The following TPCN2 variants were observed in gnomAD, a reference collection of about 807,000 sequenced individuals.
The protein encoded by TPCN2 is two pore channel protein 2.
A neutral mutation model predicts 111.4 loss-of-function variants in TPCN2; 92 were observed. The observed-to-expected ratio is 0.83, with a 90% CI of 0.70 to 0.98. The LOEUF (loss-of-function observed/expected upper bound fraction) is 0.98. Among genes scored for constraint, TPCN2 ranks in the 50% least tolerant of loss-of-function variants. The probability of loss-of-function intolerance (pLI) is 0.00; values close to 1 mark genes in which losing one functional copy is unlikely to be tolerated. For synonymous variants in TPCN2, 405 were observed against 414.5 expected (o/e 0.98, Z 0.28); for missense variants, 995 against 980.1 (o/e 1.02, Z -0.20).
chr11:69,057,788 G>T, intron 5 of TPCN2, 94 bp downstream of exon 5: 2 of 1,162,780 alleles, frequency 1.7e-6, no homozygotes, highest in Non-Finnish European at 2.6e-6. Flanking sequence ...CCCTGAGCCC[G>T]CCAGCCATCC....
At position 69,077,469 on chromosome 11, in the gene TPCN2, G is replaced by A. The variant is rs115810349; in HGVS notation, c.1231-1013G>A. Among the ~76,000 whole-genome samples the A allele has an allele frequency of 2.4e-3, 365 of 152,316 alleles. 2 individuals carry two copies. Among genetic ancestry groups the A allele is most frequent in the African/African-American group, 8.2e-3 (341 of 41,568 alleles). Reference sequence around the variant, plus strand: ...TGAGACGCTGAAAGGGACCCTGCCCGTTGTGGCAGAGTGCGTATCGAGGAG... The same window carrying A: ...TGAGACGCTGAAAGGGACCCTGCCCATTGTGGCAGAGTGCGTATCGAGGAG... On this transcript the variant is annotated intron_variant, in intron 13 of 24. Transcript: ENST00000294309.
chr11:69,076,778 G>A (rs372286893), intron 13 of TPCN2, among the ~76,000 whole-genome samples: 139 of 6,780 alleles, frequency 0.021, no homozygotes, highest in Non-Finnish European at 0.042. Flanking sequence ...CCCTCCTGCC[G>A]TGTCCCTCCA....
chr11:69,079,613 A>G, intron 16 of TPCN2: 2 of 530,282 alleles, frequency 3.8e-6, no homozygotes, highest in Non-Finnish European at 6.7e-6. Flanking sequence ...TGCCACCCCA[A>G]TCTGTGCAGT....
intron 5 of TPCN2, among the ~76,000 whole-genome samples, chr11:69,058,592 C>T (rs1457436413): frequency 1.3e-5 from 2 of 152,366 alleles, no homozygotes; most frequent in Non-Finnish European, 1.5e-5. Flanking sequence ...CTGTCCCCGC[C>T]TGCCCCAGGG....
At position 69,081,405 on chromosome 11, in the gene TPCN2, C is replaced by T. The variant is rs776312101; in HGVS notation, c.1595C>T (p.Pro532Leu). The change falls in exon 18 of 25, where the codon CCG becomes CTG. Residue 532 changes from proline to leucine, a missense_variant. Physicochemically the swap from Pro to Leu is moderately conservative, Grantham distance 98. Transcript: ENST00000294309. ...CCTCCCGTGTCTCTCCCCAGGAGGCCGGAGATGGTGGGCCTGCTGTCGCTG... is the reference window on the plus strand; with the variant it reads ...CCTCCCGTGTCTCTCCCCAGGAGGCTGGAGATGGTGGGCCTGCTGTCGCTG... The part of the protein sequence containing the change: ...VYRLPHPGWR[P>L]EMVGLLSLWD... 21 of 1,551,486 alleles carry T rather than the reference C, an allele frequency of 1.4e-5. No individual in the cohort carries two copies. The East Asian group carries it at 2.2e-4, about 16-fold the overall frequency.
In TPCN2 at chr11:69,071,431, T is replaced by C. The variant is rs751843741; in HGVS notation, c.960+11T>C. On this transcript the variant is annotated intron_variant, in intron 10 of 24. Coordinates refer to ENST00000294309, the MANE Select transcript of TPCN2 (RefSeq NM_139075.4). ...CGGGGCTACCTGATGGTGAGCGAGC[T>C]CCCCAATGCTGGCTGTGCCTGGAGC... The C allele has an allele frequency of 3.1e-6, 5 of 1,611,134 alleles. No homozygotes were observed. Among genetic ancestry groups the C allele is most frequent in the Non-Finnish European group, 4.2e-6 (5 of 1,178,662 alleles).
chr11:69,066,828 C>T (rs894232875), intron 7 of TPCN2, among the ~76,000 whole-genome samples: 2 of 152,174 alleles, frequency 1.3e-5, no homozygotes, highest in African/African-American at 4.8e-5. Context: ...AGAGGGTGCC[C>T]ATGAGCCTGG....
At chr11:69,052,089 A>G (rs1269390406) in intron 1 of TPCN2, among the ~76,000 whole-genome samples, 1 of 152,166 alleles carries the variant, frequency 6.6e-6, no homozygotes, top group Non-Finnish European at 1.5e-5. Context: ...GCGAAAGGGA[A>G]CCACGAGTGC....
Position 69,087,993 on chromosome 11 carries a change from A to T in TPCN2, c.*40A>T, listed in dbSNP as rs1856351083. ...TCCCAGCAGGGGCGGCAGGAGAGAG[A>T]GGCTGGCCTACACAGGTGCCCGTCA... On this transcript the variant is annotated 3_prime_UTR_variant, in exon 25 of 25. Coordinates refer to ENST00000294309, the MANE Select transcript of TPCN2 (RefSeq NM_139075.4). The T allele has an allele frequency of 6.4e-7, 1 of 1,564,354 alleles. No homozygotes were observed. The highest frequency in any genetic ancestry group is 1.1e-5 in the South Asian group (1 of 86,958).
chr11:69,084,536 G>A (rs1168841341), intron 19 of TPCN2: 2 of 978,850 alleles, frequency 2.0e-6, no homozygotes, highest in South Asian at 9.4e-5. Context: ...TGCTCTGCCT[G>A]GTGGCCGGGC....
intron 17 of TPCN2, among the ~76,000 whole-genome samples, 155 bp downstream of exon 17, chr11:69,080,038 A>C (rs1359633358): frequency 6.6e-6 from 1 of 152,176 alleles, no homozygotes; most frequent in Non-Finnish European, 1.5e-5. Context: ...CCCACAGCAG[A>C]GGCTGTGTCG....
chr11:69,071,711 C>T (rs922820240), intron 10 of TPCN2, among the ~76,000 whole-genome samples: 4 of 152,214 alleles, frequency 2.6e-5, no homozygotes, highest in South Asian at 2.1e-4. Context: ...GCAGCACGCC[C>T]GTCAGACTCC....
At chr11:69,087,056 G>A (rs914912582) in intron 23 of TPCN2, 56 bp from the exon 24 acceptor site, 2 of 1,507,002 alleles carry the variant, frequency 1.3e-6, no homozygotes, top group Non-Finnish European at 1.8e-6. Flanking sequence ...CGGGGATGGG[G>A]CAAGGCTGCT....
intron 3 of TPCN2, among the ~76,000 whole-genome samples, 169 bp downstream of exon 3, chr11:69,054,966 G>A (rs971311173): frequency 2.6e-5 from 4 of 152,206 alleles, no homozygotes; most frequent in African/African-American, 9.6e-5. Flanking sequence ...GTGATGGCAG[G>A]CTCCTTCTAC....
chr11:69,084,305 T>C (rs1245073699), intron 19 of TPCN2, among the ~76,000 whole-genome samples: 2 of 152,182 alleles, frequency 1.3e-5, no homozygotes, highest in Admixed American at 6.5e-5. Context: ...TCTCGTGTTT[T>C]CTGGGTTGTG....
At chr11:69,073,261 C>T (rs1199820193) in intron 13 of TPCN2, among the ~76,000 whole-genome samples, 2 of 152,276 alleles carry the variant, frequency 1.3e-5, no homozygotes, top group Non-Finnish European at 2.9e-5. Flanking sequence ...TTCTCGGTTT[C>T]CATGACAGAC....
chr11:69,062,388 G>A (rs2134548940), intron 5 of TPCN2, among the ~76,000 whole-genome samples: 1 of 152,264 alleles, frequency 6.6e-6, no homozygotes, highest in Non-Finnish European at 1.5e-5. Flanking sequence ...GTGAGTGTGG[G>A]GGTGTGGAGG....
At chr11:69,071,045 G>C (rs1855509410) in intron 9 of TPCN2, among the ~76,000 whole-genome samples, 2 of 138,770 alleles carry the variant, frequency 1.4e-5, no homozygotes, top group South Asian at 4.9e-4. Context: ...TTCACCCCAG[G>C]GATCCCCCAC....
chr11:69,064,941 TTGTA>T (rs1311508610), intron 7 of TPCN2, among the ~76,000 whole-genome samples: 9 of 129,478 alleles, frequency 7.0e-5, no homozygotes, highest in African/African-American at 1.7e-4. Flanking sequence ...GTGTGTGTGT[TTGTA>T]TGTGTGCATG....
Sources: allele counts gnomAD v4.1 joint callset (sites outside exome capture counted in the v4.1 genomes callset), GRCh38; gene constraint gnomAD v4.1.1; transcripts MANE v1.5; gene names NCBI Gene and HGNC (gene_info 2026-07-23, HGNC 2026-07-21).